Variants in SPINK5 observed in about 807,000 individuals in gnomAD.
SPINK5 encodes serine peptidase inhibitor Kazal type 5.
In SPINK5, 125 loss-of-function variants were observed where a neutral mutation model predicts 151.8. The observed-to-expected ratio is 0.82, with a 90% CI of 0.71 to 0.96. SPINK5 has a LOEUF of 0.96. Ranked by LOEUF, SPINK5 falls within the 40% of genes least tolerant of loss-of-function variation. The pLI is 0.00. For missense variants in SPINK5, 1,194 were observed against 1,291.9 expected (o/e 0.92, Z 1.16); for synonymous variants, 374 against 395.3 (o/e 0.95, Z 0.64).
At chr5:148,112,303 T>C (rs1335344897) in intron 19 of SPINK5, among the ~76,000 whole-genome samples, 1 of 152,192 alleles carries the variant, frequency 6.6e-6, no homozygotes, top group Non-Finnish European at 1.5e-5. Context: ...ATATCTTTAT[T>C]TTTCAAAAGA....
In SPINK5 at chr5:148,123,976, T is replaced by C; in HGVS notation, c.2666+16T>C. On this transcript the variant is annotated intron_variant, in intron 27 of 32. Transcript: ENST00000256084. Reference sequence around the variant, plus strand: ...AGAGCATCTTGTACGTAAAAAGGTTTATCAATAAATTTGATAGTTGTGCCT... The same window carrying C: ...AGAGCATCTTGTACGTAAAAAGGTTCATCAATAAATTTGATAGTTGTGCCT... The C allele has an allele frequency of 6.2e-7, 1 of 1,613,568 alleles. No individual in the cohort carries two copies.
At chr5:148,098,227 A>G (rs1003716498) in intron 11 of SPINK5, among the ~76,000 whole-genome samples, 1 of 152,042 alleles carries the variant, frequency 6.6e-6, no homozygotes, top group Admixed American at 6.6e-5. Context: ...CCTGACAAAC[A>G]TGAACTTGTA....
At chr5:148,126,355 CACA>C (rs750956187) in intron 29 of SPINK5, among the ~76,000 whole-genome samples, 36 of 151,894 alleles carry the variant, frequency 2.4e-4, no homozygotes, top group Non-Finnish European at 5.0e-4. Context: ...ACACTGTGAA[CACA>C]ACAATAATCA....
At chr5:148,101,313 T>A in intron 13 of SPINK5, 42 bp from the exon 14 acceptor site, 1 of 1,391,586 alleles carries the variant, frequency 7.2e-7, no homozygotes, top group Admixed American at 1.7e-5. Flanking sequence ...ATGTGGCGAT[T>A]CTATGATTTT....
chr5:148,116,125 T>C (rs1273385741), intron 21 of SPINK5, among the ~76,000 whole-genome samples: 1 of 152,168 alleles, frequency 6.6e-6, no homozygotes, highest in African/African-American at 2.4e-5. Context: ...CCAGCTTTAC[T>C]CACCTTGTCT....
chr5:148,117,540 TAA>T (rs1416530782), intron 22 of SPINK5, among the ~76,000 whole-genome samples: 72 of 152,302 alleles, frequency 4.7e-4, no homozygotes, highest in African/African-American at 1.5e-3. Context: ...AATATCTGAA[TAA>T]ATGAGTGAGG....
chr5:148,116,311 G>C, intron 21 of SPINK5, 59 bp from the exon 22 acceptor site: 1 of 1,564,454 alleles, frequency 6.4e-7, no homozygotes, highest in South Asian at 1.1e-5. Flanking sequence ...GAAACTCAAA[G>C]AAATGCACAC....
At chr5:148,076,581 T>C (rs983564079) in intron 4 of SPINK5, among the ~76,000 whole-genome samples, 2 of 151,716 alleles carry the variant, frequency 1.3e-5, no homozygotes, top group Non-Finnish European at 2.9e-5. Flanking sequence ...ATACAACCCA[T>C]ACTCAAGAAA....
At chr5:148,086,306 A>C (rs1052633488) in intron 4 of SPINK5, 99 bp from the exon 5 acceptor site, 2 of 1,468,854 alleles carry the variant, frequency 1.4e-6, no homozygotes, top group Admixed American at 3.8e-5. Context: ...CTTCTCCAGC[A>C]ATTTACATTA....
intron 8 of SPINK5, among the ~76,000 whole-genome samples, chr5:148,092,181 G>A (rs535569383): frequency 9.2e-5 from 14 of 151,972 alleles, no homozygotes; most frequent in South Asian, 4.1e-4. Context: ...TTTGCAGATC[G>A]TAGGGCTTAT....
At position 148,088,674 on chromosome 5, in the gene SPINK5, C is replaced by T. The variant is rs372708333; in HGVS notation, c.474+69C>T. 9.5e-5 allele frequency: 137 copies of T among 1,448,712 alleles called. No homozygotes were observed. The African/African-American group carries it at 1.5e-3, about 16-fold the overall frequency. 89.7% of individuals were successfully genotyped at this position (1,448,712 alleles called of 1,614,324 possible). A position where few individuals can be genotyped will look rare whatever the true frequency, so the allele number is the denominator to read the frequency against. ...CTTCAAATAGTAAGTAGGTGCTCTC[C>T]TCTTCCTTCTTAGGTGGGAGCCTTG... On this transcript the variant is annotated intron_variant, in intron 6 of 32. Coordinates refer to ENST00000256084, the MANE Select transcript of SPINK5 (RefSeq NM_006846.4).
intron 26 of SPINK5, among the ~76,000 whole-genome samples, 186 bp downstream of exon 26, chr5:148,120,577 A>T (rs1384806793): frequency 6.6e-6 from 1 of 152,198 alleles, no homozygotes; most frequent in Admixed American, 6.5e-5. Flanking sequence ...AGTGACTCTG[A>T]TGCAATTGTA....
chr5:148,105,508 C>T (rs1430875457), intron 16 of SPINK5, among the ~76,000 whole-genome samples: 2 of 152,142 alleles, frequency 1.3e-5, no homozygotes, highest in Admixed American at 6.6e-5. Context: ...ATTTTTATTC[C>T]ACTCTCCATG....
chr5:148,095,790 C>G, intron 9 of SPINK5, 28 bp from the exon 10 acceptor site: 1 of 1,563,518 alleles, frequency 6.4e-7, no homozygotes, highest in Non-Finnish European at 8.8e-7. Context: ...TCGGAAGCAT[C>G]TCTACTCATT....
Position 148,105,004 on chromosome 5 carries a change from A to T in SPINK5, c.1479+4A>T. On this transcript the variant is annotated splice_donor_region_variant and intron_variant, in intron 16 of 32. Coordinates refer to ENST00000256084, the MANE Select transcript of SPINK5 (RefSeq NM_006846.4). ...GGCTAAAAGAGAAGCTGCAAAGGTA[A>T]TATTCTCAGGAATGCTGATGCTGTG... 6.2e-7 allele frequency: 1 copy of T among 1,613,832 alleles called. No individual in the cohort carries two copies.
At chr5:148,091,551 T>G (rs1044894044) in intron 8 of SPINK5, among the ~76,000 whole-genome samples, 1 of 151,862 alleles carries the variant, frequency 6.6e-6, no homozygotes, top group African/African-American at 2.4e-5. Flanking sequence ...CTTTTTGGTT[T>G]AGTGTAAACC....
chr5:148,131,389 T>TGTAA lies in SPINK5; in HGVS notation c.3095+4_3095+7dup, dbSNP rs753197995. 2 of 1,613,844 alleles carry TGTAA rather than the reference T, an allele frequency of 1.2e-6. No individual in the cohort carries two copies. On this transcript the variant is annotated stop_gained and frameshift_variant and splice_region_variant. Transcript: ENST00000256084. LOFTEE classifies it high-confidence loss of function. ...CCTTGCATGCTCTGTCATGAAAACC[T>TGTAA]GTAAGTATTCAAGTTGCCCCATCAT...
Position 148,133,975 on chromosome 5 carries a change from T to G in SPINK5, c.3186+88T>G, listed in dbSNP as rs1754638993. On this transcript the variant is annotated intron_variant, in intron 32 of 32. Coordinates refer to ENST00000256084, the MANE Select transcript of SPINK5 (RefSeq NM_006846.4). Reference sequence around the variant, plus strand: ...GTTCTCTTCCACTGAGTAATGGACATTTATCTGGCCAGAGAGGTGACACTA... The same window carrying G: ...GTTCTCTTCCACTGAGTAATGGACAGTTATCTGGCCAGAGAGGTGACACTA... 3.6e-6 allele frequency: 5 copies of G among 1,383,908 alleles called. No individual in the cohort carries two copies. The African/African-American group carries it at 5.7e-5, about 16-fold the overall frequency. 85.7% of individuals were successfully genotyped at this position (1,383,908 alleles called of 1,614,324 possible). A position where few individuals can be genotyped will look rare whatever the true frequency, so the allele number is the denominator to read the frequency against.
In SPINK5 at chr5:148,107,133, G is replaced by A; in HGVS notation, c.1576G>A (p.Gly526Arg). ...PVRGPDGKMH[G>R]NKCAMCASVF... ...CCGTGGCCCAGATGGCAAAATGCATGGAAACAAGTGTGCCATGTGTGCCAG... is the reference window on the plus strand; with the variant it reads ...CCGTGGCCCAGATGGCAAAATGCATAGAAACAAGTGTGCCATGTGTGCCAG... The change falls in exon 17 of 33, where the codon GGA becomes AGA. Residue 526 changes from glycine (G) to arginine (R), a missense_variant. Gly to Arg is a moderately radical substitution (Grantham distance 125). Transcript: ENST00000256084. 1 of 1,612,856 alleles carries A rather than the reference G, an allele frequency of 6.2e-7. No individual in the cohort carries two copies. Among genetic ancestry groups the A allele is most frequent in the Middle Eastern group, 1.7e-4 (1 of 6,050 alleles).
Sources: gnomAD v4.1 joint callset for allele counts (sites outside exome capture counted in the v4.1 genomes callset) on GRCh38, gnomAD v4.1.1 for gene constraint, MANE v1.5 for transcripts, NCBI Gene and HGNC (gene_info 2026-07-23, HGNC 2026-07-21) for gene names.